Variants in EBF2 observed in about 807,000 individuals in gnomAD.
EBF2 encodes EBF transcription factor 2, also known as transcription factor COE2.
EBF2 carries 21 observed loss-of-function variants against 72.8 expected under a neutral mutation model. That is an observed-to-expected ratio of 0.29 (90% CI 0.20 to 0.42). EBF2 has a LOEUF of 0.42. Ranked by LOEUF, EBF2 falls within the 10% of genes least tolerant of loss-of-function variation. EBF2 has a pLI of 1.00. For missense variants in EBF2, 637 were observed against 731.2 expected, an observed-to-expected ratio of 0.87 and a Z score of 1.49; for synonymous variants, 299 against 274.2, an observed-to-expected ratio of 1.09 and a Z score of -0.89.
At chr8:25,897,101 G>A (rs77392025) in intron 7 of EBF2, among the ~76,000 whole-genome samples, 1,660 of 152,236 alleles carry the variant, frequency 0.011, 22 homozygotes, top group Admixed American at 0.024. Flanking sequence ...TCCCAGACAG[G>A]AGAACACAGA....
chr8:25,922,055 A>C (rs564633443), intron 6 of EBF2, among the ~76,000 whole-genome samples: 1 of 152,322 alleles, frequency 6.6e-6, no homozygotes, highest in Admixed American at 6.5e-5. Flanking sequence ...ATTTGGAGTC[A>C]CTAGGATTTC....
At chr8:25,945,447 T>A (rs748836581) in intron 6 of EBF2, among the ~76,000 whole-genome samples, 4 of 152,046 alleles carry the variant, frequency 2.6e-5, no homozygotes, top group Non-Finnish European at 2.9e-5. Context: ...GCTCTTGGCC[T>A]GAATGAAGCA....
chr8:25,850,469 T>C lies in EBF2; in HGVS notation c.1696+125A>G, dbSNP rs551360234. On this transcript the variant is annotated intron_variant, in intron 15 of 15. Transcript: ENST00000520164. Reference sequence around the variant, plus strand: ...AGCTGTAGAAGCCATTCATGTCCCATGATAAGAACAGCAAAGCATCTCTTT... The same window carrying C: ...AGCTGTAGAAGCCATTCATGTCCCACGATAAGAACAGCAAAGCATCTCTTT... 8.3e-6 allele frequency: 10 copies of C among 1,203,546 alleles called. No individual in the cohort carries two copies. In the African/African-American group the frequency reaches 1.4e-4, roughly 17 times the overall value. 74.6% of individuals were successfully genotyped at this position (1,203,546 alleles called of 1,614,324 possible). A position where few individuals can be genotyped will look rare whatever the true frequency, so the allele number is the denominator to read the frequency against.
chr8:25,957,989 C>T (rs1310227139), intron 6 of EBF2, among the ~76,000 whole-genome samples: 4 of 152,320 alleles, frequency 2.6e-5, no homozygotes, highest in Admixed American at 2.6e-4. Context: ...ACGCAAAAGG[C>T]AAGCTTCCTT....
At chr8:25,869,118 C>T (rs1230792274) in intron 10 of EBF2, among the ~76,000 whole-genome samples, 4 of 152,200 alleles carry the variant, frequency 2.6e-5, no homozygotes, top group African/African-American at 7.2e-5. Flanking sequence ...TCCCATCTTG[C>T]ATTCTTCATT....
intron 6 of EBF2, among the ~76,000 whole-genome samples, chr8:26,027,746 G>A (rs139462893): frequency 3.9e-5 from 6 of 152,020 alleles, no homozygotes; most frequent in Non-Finnish European, 8.8e-5. Flanking sequence ...CAAACAAAAT[G>A]TGGTTCATCC....
intron 14 of EBF2, 195 bp downstream of exon 14, chr8:25,858,124 G>A (rs775148771): frequency 2.7e-5 from 20 of 727,592 alleles, no homozygotes; most frequent in Non-Finnish European, 4.4e-5. Flanking sequence ...TCCCCAAAAG[G>A]CCTTGAGTAA....
rs550167229 is a variant in EBF2 at position 25,848,407 on chromosome 8, T to G, written c.1696+2187A>C. On this transcript the variant is annotated intron_variant, in intron 15 of 15. Transcript: ENST00000520164. ...GGGACCCTGGAGAGGGTCTTCTGTT[T>G]CTGCTGCAGCTGCCCTCACAGGGAA... 4.6e-5 allele frequency among the ~76,000 whole-genome samples: 7 copies of G among 152,288 alleles called. No individual in the cohort carries two copies. The South Asian group carries it at 1.5e-3, about 32-fold the overall frequency.
At chr8:25,900,803 TAAA>T (rs546155076) in intron 7 of EBF2, among the ~76,000 whole-genome samples, 1 of 129,980 alleles carries the variant, frequency 7.7e-6, no homozygotes, top group South Asian at 2.4e-4. Context: ...AAATAAAAAA[TAAA>T]AAAAGTGAGA....
intron 6 of EBF2, among the ~76,000 whole-genome samples, chr8:26,020,506 G>A (rs1174512963): frequency 6.6e-6 from 1 of 152,216 alleles, no homozygotes; most frequent in Non-Finnish European, 1.5e-5. Context: ...AGTCGCTAAG[G>A]GAAATGTTTC....
chr8:25,844,812 C>T lies in EBF2; in HGVS notation c.1697-172G>A, dbSNP rs193261590. Among the ~76,000 whole-genome samples, 5 of 152,182 alleles carry T rather than the reference C, an allele frequency of 3.3e-5. 1 individual carries two copies. The highest frequency in any genetic ancestry group is 7.4e-5 in the Non-Finnish European group (5 of 68,012). ...TCCAGGTTTGGTCTAGCAGACAGCC[C>T]ATTAAAGGCACTGAAGCCTTATGGA... is the stretch of plus-strand genomic sequence containing the variant. On this transcript the variant is annotated intron_variant, in intron 15 of 15. Coordinates refer to ENST00000520164, the MANE Select transcript of EBF2 (RefSeq NM_022659.4).
chr8:25,844,372 CACTG>C lies in EBF2; in HGVS notation c.*233_*236del. 1 of 484,092 alleles carries C rather than the reference CACTG, an allele frequency of 2.1e-6. No homozygotes were observed. The highest frequency in any genetic ancestry group is 3.2e-5 in the East Asian group (1 of 31,480). The allele number at this position is 484,092 out of a possible 1,614,324, so 30.0% of individuals were successfully genotyped here. On this transcript the variant is annotated 3_prime_UTR_variant, in exon 16 of 16. Transcript: ENST00000520164. ...CAAAGAATTGCATTTCTGCTCTTAG[CACTG>C]ACTACGTCAATGACATCTTTTGTCC...
intron 6 of EBF2, among the ~76,000 whole-genome samples, chr8:25,947,697 C>A (rs1208060448): frequency 6.6e-6 from 1 of 152,224 alleles, no homozygotes; most frequent in African/African-American, 2.4e-5. Flanking sequence ...CACTCCCCTT[C>A]TTTCTTGCAC....
At chr8:25,986,230 C>T (rs60433063) in intron 6 of EBF2, among the ~76,000 whole-genome samples, 32,735 of 151,932 alleles carry the variant, frequency 0.22, 4,309 homozygotes, top group Middle Eastern at 0.35. Context: ...TTTGTTCACG[C>T]AATAGCCCCC....
intron 6 of EBF2, among the ~76,000 whole-genome samples, chr8:26,005,561 T>TATATAG (rs375386709): frequency 1.6e-5 from 1 of 63,896 alleles, no homozygotes; most frequent in Non-Finnish European, 2.6e-5. Flanking sequence ...TATATATATA[T>TATATAG]AGAGAGAGAG....
At chr8:25,982,982 C>T (rs1804387210) in intron 6 of EBF2, among the ~76,000 whole-genome samples, 1 of 151,662 alleles carries the variant, frequency 6.6e-6, no homozygotes, top group African/African-American at 2.4e-5. Context: ...GTACAATAAT[C>T]TCAATTCTCT....
intron 10 of EBF2, among the ~76,000 whole-genome samples, chr8:25,880,606 A>G (rs1194680456): frequency 2.0e-5 from 3 of 152,096 alleles, no homozygotes; most frequent in Non-Finnish European, 2.9e-5. Context: ...TGACATTTCT[A>G]TATGTTCCTA....
At chr8:25,907,843 C>T (rs569291598) in intron 7 of EBF2, among the ~76,000 whole-genome samples, 2 of 152,220 alleles carry the variant, frequency 1.3e-5, no homozygotes, top group East Asian at 3.9e-4. Flanking sequence ...GGAAGGGGGC[C>T]GAGAGGAGCT....
intron 6 of EBF2, among the ~76,000 whole-genome samples, chr8:25,928,628 T>G (rs957720585): frequency 6.6e-6 from 1 of 152,092 alleles, no homozygotes; most frequent in African/African-American, 2.4e-5. Context: ...GAAGGAAATA[T>G]GAGTTATTAA....
Sources: gnomAD v4.1 joint callset for allele counts (sites outside exome capture counted in the v4.1 genomes callset) on GRCh38, gnomAD v4.1.1 for gene constraint, MANE v1.5 for transcripts, NCBI Gene and HGNC (gene_info 2026-07-23, HGNC 2026-07-21) for gene names.